FTCDNL1: variants seen among roughly 807,000 people sequenced by gnomAD.
The protein encoded by FTCDNL1 is formiminotransferase N-terminal subdomain-containing protein.
In FTCDNL1, 11 loss-of-function variants were observed where a neutral mutation model predicts 5.9. That is an observed-to-expected ratio of 1.87 (90% CI 1.18 to 3.10). The LOEUF is 3.10. FTCDNL1 is among the 30% of genes most tolerant of loss of function. FTCDNL1 has a pLI of 0.00. For missense variants in FTCDNL1, 115 were observed against 65.5 expected, an observed-to-expected ratio of 1.76 and a Z score of -2.61; for synonymous variants, 58 against 24.8, an observed-to-expected ratio of 2.34 and a Z score of -3.99.
chr2:199,760,623 AAATGTAAATGC>A, exon 4 of FTCDNL1: 1 of 521,466 alleles, frequency 1.9e-6, no homozygotes. Context: ...ATTCTTTTAC[AAATGTAAATGC>A]AATATACCCT....
the FTCDNL1 span, among the ~76,000 whole-genome samples, chr2:199,736,496 T>C: frequency 6.6e-6 from 1 of 152,186 alleles, no homozygotes; most frequent in Non-Finnish European, 1.5e-5. Context: ...TCTCAAACGC[T>C]ACCTGCAGCA....
chr2:199,819,690 C>G lies in FTCDNL1; in HGVS notation c.279G>C (p.Leu93=). 2.8e-6 allele frequency: 2 copies of G among 702,342 alleles called. No individual in the cohort carries two copies. The highest frequency in any genetic ancestry group is 5.2e-6 in the Non-Finnish European group (2 of 384,824). The allele number at this position is 702,342 out of a possible 1,614,324, so 43.5% of individuals were successfully genotyped here. The change falls in exon 4 of 5, where the codon CTG becomes CTC. Residue 93 remains leucine (L), a synonymous_variant. Transcript: ENST00000420128. ...TCTGCACAAGACTGCGCTTCTCAGGCAGGTCAGCTTCGCCAAAGAGAAACA... is the reference window on the plus strand; with the variant it reads ...TCTGCACAAGACTGCGCTTCTCAGGGAGGTCAGCTTCGCCAAAGAGAAACA... The part of the protein sequence containing the change: ...CSVFLFGEAD[L]PEKRSLVQRR...
chr2:199,767,757 C>A (rs1181688076), intron 3 of FTCDNL1, among the ~76,000 whole-genome samples: 2 of 152,196 alleles, frequency 1.3e-5, no homozygotes, highest in African/African-American at 2.4e-5. Context: ...CAAGTCCTCA[C>A]CAGACACCAA....
chr2:199,842,074 C>G (rs1043582112), intron 3 of FTCDNL1, among the ~76,000 whole-genome samples: 4 of 151,410 alleles, frequency 2.6e-5, no homozygotes, highest in African/African-American at 9.7e-5. Flanking sequence ...GCCTGGCTAA[C>G]ATGGCAAAAC....
the FTCDNL1 span, among the ~76,000 whole-genome samples, chr2:199,683,017 T>C: frequency 5.3e-5 from 8 of 152,226 alleles, no homozygotes; most frequent in Admixed American, 3.9e-4. Context: ...CATTCTATAA[T>C]TGTGAGGAGA....
the FTCDNL1 span, among the ~76,000 whole-genome samples, chr2:199,748,631 C>G: frequency 2.6e-5 from 4 of 152,116 alleles, no homozygotes; most frequent in Admixed American, 2.6e-4. Context: ...TGAGACAGTC[C>G]GTTATCTATA....
At chr2:199,798,190 A>G (rs1700264872) in intron 3 of FTCDNL1, among the ~76,000 whole-genome samples, 1 of 152,204 alleles carries the variant, frequency 6.6e-6, no homozygotes, top group Non-Finnish European at 1.5e-5. Flanking sequence ...GTCACTTGAT[A>G]AATGATTAAA....
downstream of FTCDNL1, among the ~76,000 whole-genome samples, chr2:199,805,461 G>T (rs1700672427): frequency 6.6e-6 from 1 of 152,102 alleles, no homozygotes; most frequent in Non-Finnish European, 1.5e-5. Context: ...CAAACTGGCT[G>T]GGCGCAGTAG....
rs114696267 is a variant in FTCDNL1 at position 199,824,955 on chromosome 2, T to G, written c.212-5198A>C. 2.0e-3 allele frequency among the ~76,000 whole-genome samples: 311 copies of G among 152,128 alleles called. 1 individual carries two copies. Among genetic ancestry groups the G allele is most frequent in the African/African-American group, 7.3e-3 (302 of 41,512 alleles). On this transcript the variant is annotated intron_variant, in intron 3 of 4. Transcript: ENST00000420128. ...GAGTTAGAGACCAACCTGGGCATCA[T>G]GGTGAAACCCCGTCTTTACAAGAAA...
the FTCDNL1 span, among the ~76,000 whole-genome samples, chr2:199,678,042 T>C: frequency 6.6e-5 from 10 of 152,314 alleles, no homozygotes; most frequent in African/African-American, 2.2e-4. Context: ...CTAGGCATGA[T>C]TGTGAGGTAA....
intron 2 of FTCDNL1, among the ~76,000 whole-genome samples, chr2:199,846,970 G>A (rs2076748990): frequency 2.0e-5 from 3 of 152,124 alleles, no homozygotes; most frequent in Admixed American, 2.0e-4. Context: ...CTTGTCCCCT[G>A]GCAGCTTAAC....
At chr2:199,838,226 T>A (rs1447340821) in intron 3 of FTCDNL1, among the ~76,000 whole-genome samples, 1 of 152,018 alleles carries the variant, frequency 6.6e-6, no homozygotes, top group East Asian at 1.9e-4. Context: ...GTACAGAAAA[T>A]CAGACTAAAT....
downstream of FTCDNL1, among the ~76,000 whole-genome samples, chr2:199,756,110 G>A (rs1466501358): frequency 6.6e-6 from 1 of 152,194 alleles, no homozygotes; most frequent in Non-Finnish European, 1.5e-5. Context: ...GTCTTTTATA[G>A]TAAATTTACT....
intron 4 of FTCDNL1, among the ~76,000 whole-genome samples, chr2:199,814,921 AC>A (rs1422685268): frequency 6.6e-6 from 1 of 152,170 alleles, no homozygotes; most frequent in Non-Finnish European, 1.5e-5. Flanking sequence ...GTGCTCAGTA[AC>A]CCATTTAAAT....
At chr2:199,838,850 G>T (rs1382358007) in intron 3 of FTCDNL1, among the ~76,000 whole-genome samples, 1 of 152,178 alleles carries the variant, frequency 6.6e-6, no homozygotes, top group African/African-American at 2.4e-5. Flanking sequence ...GGAATTAAAA[G>T]AACATTTATA....
the FTCDNL1 span, among the ~76,000 whole-genome samples, chr2:199,741,494 C>T: frequency 1.4e-4 from 21 of 152,226 alleles, no homozygotes; most frequent in Admixed American, 1.2e-3. Context: ...CAGTCCCTTT[C>T]GATTAGGTGA....
chr2:199,836,052 A>G lies in FTCDNL1; in HGVS notation c.211+10023T>C, dbSNP rs539292601. ...TCTCAACTGTGGCTTCTAGATTGGG[A>G]AACAATTACAAGAAGTGTATAGTCA... On this transcript the variant is annotated intron_variant, in intron 3 of 4. Transcript: ENST00000420128. Among the ~76,000 whole-genome samples, 6 of 152,292 alleles carry G rather than the reference A, an allele frequency of 3.9e-5. No individual in the cohort carries two copies. In the South Asian group the frequency reaches 1.2e-3, roughly 32 times the overall value.
At chr2:199,712,132 C>G in the FTCDNL1 span, among the ~76,000 whole-genome samples, 1 of 152,112 alleles carries the variant, frequency 6.6e-6, no homozygotes, top group Non-Finnish European at 1.5e-5. Context: ...GAGTAAAAAT[C>G]AATACCCAGC....
At chr2:199,772,482 C>T (rs1698862309) in intron 3 of FTCDNL1, among the ~76,000 whole-genome samples, 3 of 152,096 alleles carry the variant, frequency 2.0e-5, no homozygotes, top group South Asian at 2.1e-4. Context: ...CAAGGTATGA[C>T]ATATAGTAGG....
Sources: gnomAD v4.1 joint callset for allele counts (sites outside exome capture counted in the v4.1 genomes callset) on GRCh38, gnomAD v4.1.1 for gene constraint, MANE v1.5 for transcripts, NCBI Gene and HGNC (gene_info 2026-07-23, HGNC 2026-07-21) for gene names.